The following RAB27A variants were observed in gnomAD, a reference collection of about 807,000 sequenced individuals.
The protein encoded by RAB27A is ras-related protein Rab-27A.
In RAB27A, 17 loss-of-function variants were observed where a neutral mutation model predicts 20.8. That is an observed-to-expected ratio of 0.82 (90% CI 0.56 to 1.23). The LOEUF (loss-of-function observed/expected upper bound fraction) is 1.23. Ranked by LOEUF, RAB27A falls within the 50% of genes most tolerant of loss-of-function variation. RAB27A has a pLI of 0.00. For missense variants in RAB27A, 277 were observed against 266.7 expected (o/e 1.04, Z -0.27); for synonymous variants, 85 against 92.8 (o/e 0.92, Z 0.48).
intron 2 of RAB27A, among the ~76,000 whole-genome samples, chr15:55,269,479 G>C (rs1897629856): frequency 6.6e-6 from 1 of 152,170 alleles, no homozygotes. Flanking sequence ...GGGCACGGTG[G>C]CTCATGCCTG....
At chr15:55,286,733 T>A (rs1312302650) in intron 1 of RAB27A, among the ~76,000 whole-genome samples, 1 of 149,708 alleles carries the variant, frequency 6.7e-6, no homozygotes, top group African/African-American at 2.5e-5. Flanking sequence ...CACTGGAGAG[T>A]TTCAAGCAGA....
In RAB27A at chr15:55,228,698, G is replaced by A. The variant is rs773233108; in HGVS notation, c.254C>T (p.Thr85Met). The A allele has an allele frequency of 1.1e-5, 17 of 1,612,918 alleles. No individual in the cohort carries two copies. The highest frequency in any genetic ancestry group is 4.5e-5 in the East Asian group (2 of 44,862). ...CATAGCATCTCTGAAGAACGCTGTC[G>A]TTAAGCTACGAAACCTAGGAACATA... is the stretch of plus-strand genomic sequence containing the variant. The part of the protein sequence containing the change: ...TAGQERFRSL[T>M]TAFFRDAMGF... Residue 85 changes from threonine (T) to methionine (M), a missense_variant, in exon 5 of 7, where the codon ACG (threonine) becomes ATG (methionine). Physicochemically the swap from Thr to Met is moderately conservative, Grantham distance 81. Coordinates refer to ENST00000336787, the MANE Select transcript of RAB27A (RefSeq NM_183235.3).
chr15:55,287,213 C>A (rs1170367751), intron 1 of RAB27A, among the ~76,000 whole-genome samples: 1 of 151,722 alleles, frequency 6.6e-6, no homozygotes, highest in Non-Finnish European at 1.5e-5. Context: ...AGCCACCGCA[C>A]CCGGCCTGCT....
chr15:55,306,015 T>C (rs2054995272), intron 2 of RAB27A, among the ~76,000 whole-genome samples: 1 of 151,520 alleles, frequency 6.6e-6, no homozygotes. Context: ...GCACTAAGAA[T>C]GACAGGAAGC....
chr15:55,288,581 G>A (rs1342078690), intron 1 of RAB27A, among the ~76,000 whole-genome samples: 7 of 151,714 alleles, frequency 4.6e-5, no homozygotes, highest in Admixed American at 6.6e-5. Flanking sequence ...ATCAAGGCAC[G>A]TCACAGAAAT....
chr15:55,227,675 G>A (rs777740829), intron 5 of RAB27A, among the ~76,000 whole-genome samples: 4 of 152,106 alleles, frequency 2.6e-5, no homozygotes, highest in African/African-American at 4.8e-5. Flanking sequence ...ACACTGACCC[G>A]AATCTTTGCC....
chr15:55,270,466 A>G (rs1488864204), intron 1 of RAB27A, 182 bp from the exon 2 acceptor site: 1 of 152,048 alleles, frequency 6.6e-6, no homozygotes, highest in East Asian at 1.9e-4. Context: ...CAGTCAAGTG[A>G]TTTTTGCCCC....
intron 2 of RAB27A, among the ~76,000 whole-genome samples, chr15:55,304,832 C>CATATATAT (rs36001856): frequency 1.3e-5 from 2 of 148,416 alleles, no homozygotes; most frequent in African/African-American, 2.5e-5. Flanking sequence ...TTAGTGTGAA[C>CATATATAT]ATATATATAT....
At chr15:55,318,943 T>A (rs1363852771) in exon 1 of RAB27A, 2 of 330,030 alleles carry the variant, frequency 6.1e-6, no homozygotes, top group Non-Finnish European at 1.1e-5. Context: ...CCGACTGTTC[T>A]GCGCCTGCTC....
chr15:55,205,293 A>T lies in RAB27A; in HGVS notation c.*214T>A. 1.6e-6 allele frequency: 1 copy of T among 608,318 alleles called. No individual in the cohort carries two copies. The highest frequency in any genetic ancestry group is 2.9e-6 in the Non-Finnish European group (1 of 345,516). The allele number at this position is 608,318 out of a possible 1,614,324, so 37.7% of individuals were successfully genotyped here. A position where few individuals can be genotyped will look rare whatever the true frequency, so the allele number is the denominator to read the frequency against. On this transcript the variant is annotated 3_prime_UTR_variant, in exon 7 of 7. Transcript: ENST00000336787. ...TATAAGGCACTTTTGGCTCTGAAATATTTCTCCTAACTCTCAGGCTGAATC... is the reference window on the plus strand; with the variant it reads ...TATAAGGCACTTTTGGCTCTGAAATTTTTCTCCTAACTCTCAGGCTGAATC...
At chr15:55,308,681 G>A (rs544310280) in intron 2 of RAB27A, among the ~76,000 whole-genome samples, 1 of 152,212 alleles carries the variant, frequency 6.6e-6, no homozygotes, top group African/African-American at 2.4e-5. Flanking sequence ...AAATGGGACT[G>A]GGTTAAGAGT....
At chr15:55,310,609 T>A (rs2055016099) in intron 2 of RAB27A, among the ~76,000 whole-genome samples, 1 of 152,144 alleles carries the variant, frequency 6.6e-6, no homozygotes, top group Non-Finnish European at 1.5e-5. Context: ...TTCCAGAGCC[T>A]CCAAAGTCTG....
chr15:55,233,955 T>C (rs1300743195), intron 3 of RAB27A, among the ~76,000 whole-genome samples: 1 of 152,210 alleles, frequency 6.6e-6, no homozygotes, highest in East Asian at 1.9e-4. Flanking sequence ...TCTTAATCTC[T>C]ATAAGCCTCT....
chr15:55,241,624 A>ATATATATATATATG (rs377301086), intron 2 of RAB27A, among the ~76,000 whole-genome samples: 1 of 117,664 alleles, frequency 8.5e-6, no homozygotes, highest in Admixed American at 8.1e-5. Flanking sequence ...ATATATATAT[A>ATATATATATATATG]TGTGTGTATA....
chr15:55,284,977 T>G (rs1898109457), intron 1 of RAB27A, among the ~76,000 whole-genome samples: 2 of 152,182 alleles, frequency 1.3e-5, no homozygotes, highest in South Asian at 4.1e-4. Flanking sequence ...TTTGGACATT[T>G]TCACCATCGA....
intron 2 of RAB27A, among the ~76,000 whole-genome samples, chr15:55,296,687 T>G (rs2054950886): frequency 6.6e-6 from 1 of 151,494 alleles, no homozygotes; most frequent in Non-Finnish European, 1.5e-5. Context: ...GCTTTTTTTT[T>G]GGCACAATGG....
chr15:55,214,393 G>A lies in RAB27A; in HGVS notation c.468-8688C>T, dbSNP rs1895181863. Among the ~76,000 whole-genome samples the A allele has an allele frequency of 3.3e-5, 5 of 152,120 alleles. 1 individual carries two copies. The highest frequency in any genetic ancestry group is 2.1e-4 in the South Asian group (1 of 4,830). On this transcript the variant is annotated intron_variant, in intron 6 of 6. Transcript: ENST00000336787. ...GGAGCTTGCTGTGAGCCAAGATCAC[G>A]CCACTGCACTCCAGCCTGGGCGACA...
intron 2 of RAB27A, among the ~76,000 whole-genome samples, chr15:55,235,405 G>A (rs967797943): frequency 6.6e-5 from 10 of 151,848 alleles, no homozygotes; most frequent in Non-Finnish European, 1.2e-4. Flanking sequence ...CCAAGATTGC[G>A]CCATTGCACT....
chr15:55,254,428 GT>G (rs1313991217), intron 2 of RAB27A, among the ~76,000 whole-genome samples: 1 of 151,960 alleles, frequency 6.6e-6, no homozygotes, highest in East Asian at 1.9e-4. Context: ...AGAAATAAAA[GT>G]TTTTTATTTT....
Sources: allele counts gnomAD v4.1 joint callset (sites outside exome capture counted in the v4.1 genomes callset), GRCh38; gene constraint gnomAD v4.1.1; transcripts MANE v1.5; gene names NCBI Gene and HGNC (gene_info 2026-07-23, HGNC 2026-07-21).